JPH2: variants seen among roughly 807,000 people sequenced by gnomAD.
JPH2 encodes junctophilin 2.
In JPH2, 38 loss-of-function variants were observed where a neutral mutation model predicts 55.9. The ratio of observed to expected loss-of-function variants is 0.68; its 90% confidence interval spans 0.52 to 0.89. JPH2 has a LOEUF of 0.89. JPH2 is among the 40% of genes least tolerant of loss of function. The pLI is 0.00. For synonymous variants in JPH2, 480 were observed against 472.4 expected, an observed-to-expected ratio of 1.02 and a Z score of -0.21; for missense variants, 964 against 1,037.6, an observed-to-expected ratio of 0.93 and a Z score of 0.97.
intron 2 of JPH2, among the ~76,000 whole-genome samples, chr20:44,156,767 G>A (rs1172770695): frequency 2.0e-5 from 3 of 152,176 alleles, no homozygotes; most frequent in Non-Finnish European, 4.4e-5. Flanking sequence ...AAGTTCCCAC[G>A]TCTTAATGTT....
chr20:44,175,002 A>T (rs113685080), intron 1 of JPH2, among the ~76,000 whole-genome samples: 1,673 of 118,252 alleles, frequency 0.014, 18 homozygotes, highest in Non-Finnish European at 0.019. Flanking sequence ...GTCTCAAATT[A>T]AAAAAAAAGA....
Position 44,160,357 on chromosome 20 carries a change from G to C in JPH2, c.430C>G (p.Arg144Gly). The change falls in exon 2 of 6, where the codon CGC (arginine) becomes GGC (glycine). Residue 144 changes from arginine to glycine, a missense_variant. Arg to Gly is a moderately radical substitution (Grantham distance 125). Transcript: ENST00000372980. This position sits in a 1 kb window ranked among gnomAD's most constrained non-coding sequence, Gnocchi z 4.9. ...GCCATCCCGTAGGGCACGCTCTGGC[G>C]TACTCCGTAGCCATGGCGCATGCCG... is the stretch of plus-strand genomic sequence containing the variant. ...TNGMRHGYGV[R>G]QSVPYGMAVV... The C allele has an allele frequency of 6.2e-7, 1 of 1,600,354 alleles. No individual in the cohort carries two copies. Among genetic ancestry groups the C allele is most frequent in the Non-Finnish European group, 8.5e-7 (1 of 1,174,284 alleles).
chr20:44,156,320 C>T (rs1030650163), intron 2 of JPH2, among the ~76,000 whole-genome samples: 3 of 152,114 alleles, frequency 2.0e-5, no homozygotes, highest in Non-Finnish European at 4.4e-5. Flanking sequence ...TCTTTGTATT[C>T]TTTTTGGAAC....
rs771037700 is a variant in JPH2 at position 44,115,822 on chromosome 20, G to C, written c.1853C>G (p.Thr618Ser). The change falls in exon 4 of 6, where the codon ACC (threonine) becomes AGC (serine). Residue 618 changes from threonine to serine, a missense_variant. Physicochemically the swap from Thr to Ser is moderately conservative, Grantham distance 58. Transcript: ENST00000372980. The stretch of plus-strand genomic sequence containing the variant: ...GGGCTTGGGCTCCAGCTTGGCGGGG[G>C]TCTCGCGTGCAGGCTCGGGGCCTCG... ...TLRGPEPARE[T>S]PAKLEPKPII... 5 of 1,602,292 alleles carry C rather than the reference G, an allele frequency of 3.1e-6. No homozygotes were observed. Among genetic ancestry groups the C allele is most frequent in the Non-Finnish European group, 4.2e-6 (5 of 1,178,316 alleles).
chr20:44,144,762 A>G (rs1288662522), intron 2 of JPH2, among the ~76,000 whole-genome samples: 2 of 152,188 alleles, frequency 1.3e-5, no homozygotes, highest in Non-Finnish European at 2.9e-5. Context: ...GGCTAATATA[A>G]TAAGTAGCAC....
chr20:44,168,532 G>A (rs2072673267), intron 1 of JPH2, among the ~76,000 whole-genome samples: 1 of 152,162 alleles, frequency 6.6e-6, no homozygotes, highest in Admixed American at 6.5e-5. Flanking sequence ...TCCTTGACCT[G>A]CAGACAAAAG....
rs1239565595 is a variant in JPH2 at position 44,145,568 on chromosome 20, C to T, written c.1169+14050G>A. Among the ~76,000 whole-genome samples, 5 of 150,580 alleles carry T rather than the reference C, an allele frequency of 3.3e-5. No homozygotes were observed. The East Asian group carries it at 9.7e-4, about 29-fold the overall frequency. The stretch of plus-strand genomic sequence containing the variant: ...GCAATAAGTCGAGATTCCACCACTG[C>T]ACTCTAGCCTGAGCGACAGAGTGAA... On this transcript the variant is annotated intron_variant, in intron 2 of 5. Transcript: ENST00000372980.
chr20:44,174,851 G>A lies in JPH2; in HGVS notation c.379+11476C>T, dbSNP rs574748828. Among the ~76,000 whole-genome samples, 8 of 152,188 alleles carry A rather than the reference G, an allele frequency of 5.3e-5. No homozygotes were observed. The South Asian group carries it at 1.7e-3, about 32-fold the overall frequency. On this transcript the variant is annotated intron_variant, in intron 1 of 5. Transcript: ENST00000372980. ...TACTGAAACTACAAAAAAGTAGCCG[G>A]TTGTGGTGGTGCACGTCTGTGGTCC...
intron 5 of JPH2, 66 bp from the exon 6 acceptor site, chr20:44,113,569 T>C (rs1600827334): frequency 6.6e-6 from 1 of 152,398 alleles, no homozygotes; most frequent in Non-Finnish European, 1.5e-5. Context: ...CCAAGCCAGG[T>C]GCAGGGCTCA....
chr20:44,134,723 T>TAAAG (rs2072389645), intron 2 of JPH2, among the ~76,000 whole-genome samples: 1 of 76,032 alleles, frequency 1.3e-5, no homozygotes, highest in African/African-American at 5.4e-5. Context: ...TATAAATATA[T>TAAAG]ATTTATTATA....
intron 2 of JPH2, among the ~76,000 whole-genome samples, chr20:44,149,186 A>AG (rs954327997): frequency 6.7e-6 from 1 of 150,372 alleles, no homozygotes; most frequent in South Asian, 2.1e-4. Flanking sequence ...TGGTGCCACC[A>AG]GGCCCTCCCT....
chr20:44,163,538 G>A (rs1360342721), intron 1 of JPH2, among the ~76,000 whole-genome samples: 1 of 152,124 alleles, frequency 6.6e-6, no homozygotes, highest in African/African-American at 2.4e-5. Flanking sequence ...CCCCCATTAA[G>A]GATCATGTAC....
intron 1 of JPH2, among the ~76,000 whole-genome samples, chr20:44,183,872 C>T (rs1600480913): frequency 2.0e-5 from 3 of 152,058 alleles, no homozygotes; most frequent in South Asian, 2.1e-4. Flanking sequence ...TCAGGTAGGG[C>T]GGGGTGTGAT....
intron 1 of JPH2, among the ~76,000 whole-genome samples, chr20:44,166,596 A>C (rs2072657487): frequency 6.6e-6 from 1 of 152,186 alleles, no homozygotes; most frequent in Admixed American, 6.5e-5. Context: ...GTCAGGCTAT[A>C]TTAGGAAACT....
At chr20:44,162,131 G>T (rs934943666) in intron 1 of JPH2, among the ~76,000 whole-genome samples, 16 of 152,062 alleles carry the variant, frequency 1.1e-4, no homozygotes, top group African/African-American at 3.6e-4. Flanking sequence ...AAATTCTGAG[G>T]CTTCTTTGTT....
chr20:44,134,657 AATATAT>A (rs1212098897), intron 2 of JPH2, among the ~76,000 whole-genome samples: 1 of 26,468 alleles, frequency 3.8e-5, no homozygotes, highest in Non-Finnish European at 6.3e-5. Context: ...ATTTATTATA[AATATAT>A]ATAAATATAT....
intron 1 of JPH2, among the ~76,000 whole-genome samples, chr20:44,172,862 T>C (rs2072708547): frequency 2.0e-5 from 3 of 152,240 alleles, no homozygotes; most frequent in Middle Eastern, 3.4e-3. Context: ...CAACCTCAAC[T>C]GTGGTGCAAG....
At chr20:44,134,188 ATT>A (rs1569193172) in intron 2 of JPH2, among the ~76,000 whole-genome samples, 1 of 32,032 alleles carries the variant, frequency 3.1e-5, no homozygotes, top group Non-Finnish European at 5.0e-5. Context: ...ATATATAAAT[ATT>A]TATTATAAAT....
At chr20:44,121,770 T>A (rs192491143) in intron 2 of JPH2, among the ~76,000 whole-genome samples, 15 of 151,968 alleles carry the variant, frequency 9.9e-5, no homozygotes, top group Non-Finnish European at 2.1e-4. Context: ...GAAGATCACT[T>A]GAGCTCAGGA....
Sources: allele counts gnomAD v4.1 joint callset (sites outside exome capture counted in the v4.1 genomes callset), GRCh38; gene constraint gnomAD v4.1.1; non-coding constraint Gnocchi (gnomAD v3.1); transcripts MANE v1.5; gene names NCBI Gene and HGNC (gene_info 2026-07-23, HGNC 2026-07-21).